Variants in PPP4R2 observed in about 807,000 individuals in gnomAD.
The protein encoded by PPP4R2 is serine/threonine-protein phosphatase 4 regulatory subunit 2.
Under a neutral mutation model 47.2 loss-of-function variants are expected in PPP4R2, and 13 were observed. The ratio of observed to expected loss-of-function variants is 0.28; its 90% CI spans 0.18 to 0.44. PPP4R2 has a LOEUF of 0.44. PPP4R2 is among the 20% of genes least tolerant of loss of function. PPP4R2 has a pLI of 1.00. For synonymous variants in PPP4R2, 151 were observed against 163.3 expected (o/e 0.92, Z 0.57); for missense variants, 421 against 491.2 (o/e 0.86, Z 1.35).
At chr3:73,062,050 A>G (rs1231025755) in intron 5 of PPP4R2, 2 of 1,451,844 alleles carry the variant, frequency 1.4e-6, no homozygotes, top group Middle Eastern at 2.5e-4. Flanking sequence ...AAAATGGTAA[A>G]GAAGTGCAGA....
chr3:73,048,189 A>C (rs1702527238), intron 3 of PPP4R2, among the ~76,000 whole-genome samples: 1 of 151,014 alleles, frequency 6.6e-6, no homozygotes, highest in South Asian at 2.1e-4. Flanking sequence ...TCATTTTTAA[A>C]GAAATGTTAC....
At chr3:73,050,774 A>G (rs367732113) in intron 3 of PPP4R2, among the ~76,000 whole-genome samples, 1 of 152,208 alleles carries the variant, frequency 6.6e-6, no homozygotes, top group African/African-American at 2.4e-5. Context: ...TGTGAATAAT[A>G]GGTTTTTATT....
chr3:73,017,203 G>C (rs1341537187), intron 2 of PPP4R2, among the ~76,000 whole-genome samples: 1 of 152,118 alleles, frequency 6.6e-6, no homozygotes, highest in Admixed American at 6.5e-5. Flanking sequence ...ACAGACATCA[G>C]CCACTGTGCC....
intron 2 of PPP4R2, among the ~76,000 whole-genome samples, chr3:73,036,037 A>G (rs942681314): frequency 6.6e-6 from 1 of 152,258 alleles, no homozygotes; most frequent in Non-Finnish European, 1.5e-5. Flanking sequence ...GCACACACAC[A>G]GTGAAATACA....
At chr3:73,046,392 C>T (rs1702488280) in intron 2 of PPP4R2, among the ~76,000 whole-genome samples, 1 of 152,274 alleles carries the variant, frequency 6.6e-6, no homozygotes, top group South Asian at 2.1e-4. Flanking sequence ...TCTGCTGTCA[C>T]TAATGGTAGT....
intron 2 of PPP4R2, among the ~76,000 whole-genome samples, chr3:73,012,899 A>G (rs1701752603): frequency 7.3e-6 from 1 of 136,558 alleles, no homozygotes; most frequent in Non-Finnish European, 1.5e-5. Flanking sequence ...GGTAGAATGT[A>G]GGCTTTTTTT....
chr3:73,014,159 T>A lies in PPP4R2; in HGVS notation c.116+16001T>A, dbSNP rs551354519. ...GGGTTCATGATTATGTACGTTACTATGTTTGACAGATACTGCCAGCTGGCT... is the reference window on the plus strand; with the variant it reads ...GGGTTCATGATTATGTACGTTACTAAGTTTGACAGATACTGCCAGCTGGCT... On this transcript the variant is annotated intron_variant, in intron 2 of 8. Coordinates refer to ENST00000356692, the MANE Select transcript of PPP4R2 (RefSeq NM_174907.4). Among the ~76,000 whole-genome samples the A allele has an allele frequency of 7.3e-4, 96 of 131,016 alleles. 23 individuals are homozygous for A. Among genetic ancestry groups the A allele is most frequent in the Non-Finnish European group, 1.5e-3 (83 of 56,312 alleles). The allele number at this position is 131,016 out of a possible 152,430, so 86.0% of individuals were successfully genotyped here.
chr3:73,041,930 A>T (rs540740569), intron 2 of PPP4R2, among the ~76,000 whole-genome samples: 8 of 152,358 alleles, frequency 5.3e-5, no homozygotes, highest in Non-Finnish European at 1.2e-4. Flanking sequence ...TGGAGAAAAA[A>T]GGTCAATGTA....
chr3:73,010,394 A>T (rs1373236500), intron 2 of PPP4R2, among the ~76,000 whole-genome samples: 1 of 152,050 alleles, frequency 6.6e-6, no homozygotes, highest in Non-Finnish European at 1.5e-5. Flanking sequence ...TGGCTAGAAA[A>T]ATAAAAAGCT....
chr3:73,014,893 G>A lies in PPP4R2; in HGVS notation c.116+16735G>A, dbSNP rs1052752108. ...ATTTATTTATTCATTTTAATGAGATGGGGTCTTGCTGTGTTGCCCAGGCTG... is the reference window on the plus strand; with the variant it reads ...ATTTATTTATTCATTTTAATGAGATAGGGTCTTGCTGTGTTGCCCAGGCTG... On this transcript the variant is annotated intron_variant, in intron 2 of 8. Coordinates refer to ENST00000356692, the MANE Select transcript of PPP4R2 (RefSeq NM_174907.4). The A allele has an allele frequency of 5.0e-6, 3 of 605,496 alleles. No individual in the cohort carries two copies. The East Asian group carries it at 8.7e-5, about 18-fold the overall frequency. The allele number at this position is 605,496 out of a possible 1,614,324, so 37.5% of individuals were successfully genotyped here.
chr3:73,015,032 T>A, intron 2 of PPP4R2: 1 of 607,588 alleles, frequency 1.6e-6, no homozygotes, highest in Non-Finnish European at 3.0e-6. Flanking sequence ...AATATACTCC[T>A]GGCCTGTTTA....
Position 73,063,997 on chromosome 3 carries a change from T to TTA in PPP4R2, c.495-3_495-2dup, listed in dbSNP as rs1702929369. On this transcript the variant is annotated splice_polypyrimidine_tract_variant and splice_region_variant and intron_variant, in intron 6 of 8. Coordinates refer to ENST00000356692, the MANE Select transcript of PPP4R2 (RefSeq NM_174907.4). ...TAGGAAATGATGTTCATTTATCTTA[T>TTA]TATAGGTCTAATATAAATGGGCCTG... 1 of 1,581,076 alleles carries TTA rather than the reference T, an allele frequency of 6.3e-7. No homozygotes were observed. Among genetic ancestry groups the TTA allele is most frequent in the South Asian group, 1.2e-5 (1 of 85,732 alleles).
At chr3:73,005,684 A>G (rs1249347399) in intron 2 of PPP4R2, among the ~76,000 whole-genome samples, 2 of 152,000 alleles carry the variant, frequency 1.3e-5, no homozygotes, top group African/African-American at 2.4e-5. Context: ...CCCCATCTCT[A>G]CTAAAAATAC....
chr3:73,059,867 G>A (rs1401798739), intron 4 of PPP4R2, among the ~76,000 whole-genome samples: 4 of 151,374 alleles, frequency 2.6e-5, no homozygotes, highest in African/African-American at 7.3e-5. Context: ...CCTGGGAGAC[G>A]GAGGTTGCAG....
chr3:73,022,236 T>G (rs1210779480), intron 2 of PPP4R2, among the ~76,000 whole-genome samples: 1 of 152,132 alleles, frequency 6.6e-6, no homozygotes, highest in East Asian at 1.9e-4. Context: ...TTATCAGCAT[T>G]GGCCTGTACA....
rs1701782483 is a variant in PPP4R2, at chr3:73,014,347, A to G, written c.116+16189A>G. Among the ~76,000 whole-genome samples the G allele has an allele frequency of 1.4e-5, 2 of 147,166 alleles. 1 individual carries two copies. Among genetic ancestry groups the G allele is most frequent in the Non-Finnish European group, 3.0e-5 (2 of 65,978 alleles). On this transcript the variant is annotated intron_variant, in intron 2 of 8. Transcript: ENST00000356692. ...CTGGCCCAGGCTGGAGTGCAGTGGC[A>G]TGATCATAGCTTACTGCAACCTCAA...
At chr3:73,014,576 G>A (rs1701785971) in intron 2 of PPP4R2, among the ~76,000 whole-genome samples, 1 of 152,148 alleles carries the variant, frequency 6.6e-6, no homozygotes, top group Non-Finnish European at 1.5e-5. Flanking sequence ...GGGATTACAG[G>A]CATGAGCCAT....
At chr3:73,033,200 T>A (rs959789259) in intron 2 of PPP4R2, among the ~76,000 whole-genome samples, 3 of 152,242 alleles carry the variant, frequency 2.0e-5, no homozygotes, top group African/African-American at 7.2e-5. Context: ...ATGTGTTTAT[T>A]CTACCTACTT....
chr3:73,016,572 C>A (rs1298260754), intron 2 of PPP4R2, among the ~76,000 whole-genome samples: 5 of 152,022 alleles, frequency 3.3e-5, no homozygotes, highest in African/African-American at 1.2e-4. Context: ...AATGGTAAGA[C>A]CACCAATTAA....
Sources: gnomAD v4.1 joint callset for allele counts (sites outside exome capture counted in the v4.1 genomes callset) on GRCh38, gnomAD v4.1.1 for gene constraint, MANE v1.5 for transcripts, NCBI Gene and HGNC (gene_info 2026-07-23, HGNC 2026-07-21) for gene names.